RAB3IL1: variants seen among roughly 807,000 people sequenced by gnomAD.
RAB3IL1 encodes RAB3A interacting protein like 1.
A neutral mutation model predicts 49.2 loss-of-function variants in RAB3IL1; 37 were observed. That is an observed-to-expected ratio of 0.75 (90% CI 0.58 to 0.99). The LOEUF (loss-of-function observed/expected upper bound fraction) is 0.99. RAB3IL1 is among the 50% of genes least tolerant of loss of function. RAB3IL1 has a pLI of 0.00. For synonymous variants in RAB3IL1, 193 were observed against 213.9 expected, an observed-to-expected ratio of 0.90 and a Z score of 0.85; for missense variants, 484 against 513.0, an observed-to-expected ratio of 0.94 and a Z score of 0.55.
At chr11:61,901,802 AAC>A (rs1447880915) in intron 8 of RAB3IL1, among the ~76,000 whole-genome samples, 1 of 152,232 alleles carries the variant, frequency 6.6e-6, no homozygotes, top group Non-Finnish European at 1.5e-5. Flanking sequence ...TCCAGAAAGG[AAC>A]ACAGTCTGCT....
upstream of RAB3IL1, among the ~76,000 whole-genome samples, chr11:61,922,742 T>C (rs1939935958): frequency 6.7e-6 from 1 of 149,798 alleles, no homozygotes; most frequent in Non-Finnish European, 1.5e-5. Context: ...TATCTCCCAC[T>C]TGGGCTTTGG....
At position 61,917,503 on chromosome 11, in the gene RAB3IL1, T is replaced by C; in HGVS notation, c.-136A>G. 1.8e-6 allele frequency: 2 copies of C among 1,131,894 alleles called. No homozygotes were observed. The highest frequency in any genetic ancestry group is 2.2e-6 in the Non-Finnish European group (2 of 925,276). 70.1% of individuals were successfully genotyped at this position (1,131,894 alleles called of 1,614,324 possible). On this transcript the variant is annotated 5_prime_UTR_variant, in exon 1 of 10. Coordinates refer to ENST00000394836, the MANE Select transcript of RAB3IL1 (RefSeq NM_013401.4). ...GTCAGCCCTGCCCGCGGCCGGTCAG[T>C]AGGTCTCAGACGCCTGGGCTCGCGG... is the stretch of plus-strand genomic sequence containing the variant.
At chr11:61,934,444 G>GTATGTA in the RAB3IL1 span, among the ~76,000 whole-genome samples, 1 of 83,662 alleles carries the variant, frequency 1.2e-5, no homozygotes, top group African/African-American at 4.9e-5. Flanking sequence ...GTGTGTGTGT[G>GTATGTA]TGTATGTATA....
chr11:61,938,878 A>T, the RAB3IL1 span, among the ~76,000 whole-genome samples: 1 of 152,036 alleles, frequency 6.6e-6, no homozygotes, highest in African/African-American at 2.4e-5. Context: ...GTGAGCCAAG[A>T]TTGTGCTACT....
At chr11:61,917,258 T>C in intron 1 of RAB3IL1, 99 bp downstream of exon 1, 1 of 1,314,598 alleles carries the variant, frequency 7.6e-7, no homozygotes, top group Non-Finnish European at 9.7e-7. Context: ...CACCTCCGGG[T>C]GGCGGCGCAG....
chr11:61,929,491 A>C, the RAB3IL1 span, among the ~76,000 whole-genome samples: 3 of 151,868 alleles, frequency 2.0e-5, no homozygotes, highest in African/African-American at 7.2e-5. Context: ...TGGGTGACAG[A>C]GTGAGACTTG....
intron 1 of RAB3IL1, among the ~76,000 whole-genome samples, chr11:61,914,479 G>A (rs1939593590): frequency 1.3e-5 from 2 of 152,200 alleles, no homozygotes; most frequent in Non-Finnish European, 2.9e-5. Flanking sequence ...TACTCAAGAC[G>A]CTGTCCTCAC....
At chr11:61,920,962 A>T (rs1591244945), upstream of RAB3IL1, among the ~76,000 whole-genome samples, 1 of 151,906 alleles carries the variant, frequency 6.6e-6, no homozygotes, top group African/African-American at 2.4e-5. Flanking sequence ...GTTATTTTTT[A>T]TTTTTTTTCT....
the RAB3IL1 span, among the ~76,000 whole-genome samples, chr11:61,927,005 C>T: frequency 5.3e-5 from 8 of 151,996 alleles, no homozygotes; most frequent in African/African-American, 1.5e-4. Flanking sequence ...CACTATGCCC[C>T]GCTAATTTTT....
the RAB3IL1 span, chr11:61,937,749 A>T: frequency 7.2e-5 from 11 of 152,360 alleles, no homozygotes; most frequent in East Asian, 5.8e-4. Context: ...AGGAACAAAA[A>T]AACAAAAATA....
chr11:61,930,303 G>A, the RAB3IL1 span, among the ~76,000 whole-genome samples: 2 of 152,174 alleles, frequency 1.3e-5, no homozygotes, highest in African/African-American at 4.8e-5. Context: ...GATAAAAAAT[G>A]TTCTAGAGAT....
intron 1 of RAB3IL1, among the ~76,000 whole-genome samples, chr11:61,910,245 C>T (rs1042790372): frequency 6.6e-6 from 1 of 152,212 alleles, no homozygotes; most frequent in Admixed American, 6.5e-5. Flanking sequence ...GGAATCGGCG[C>T]ATCTGCTTCA....
chr11:61,907,350 G>T (rs778892105), intron 4 of RAB3IL1, 43 bp downstream of exon 4: 5 of 1,599,070 alleles, frequency 3.1e-6, no homozygotes, highest in African/African-American at 2.7e-5. Context: ...GGGAGGCAGG[G>T]GGGGTGCCTG....
chr11:61,919,448 C>G (rs1939837882), upstream of RAB3IL1, among the ~76,000 whole-genome samples: 1 of 152,216 alleles, frequency 6.6e-6, no homozygotes, highest in South Asian at 2.1e-4. Context: ...GCTGAACTTG[C>G]TCCTCAGTTG....
At position 61,899,395 on chromosome 11, in the gene RAB3IL1, G is replaced by T; in HGVS notation, c.1000-15C>A. 1 of 1,607,040 alleles carries T rather than the reference G, an allele frequency of 6.2e-7. No individual in the cohort carries two copies. Among genetic ancestry groups the T allele is most frequent in the South Asian group, 1.1e-5 (1 of 90,700 alleles). On this transcript the variant is annotated splice_polypyrimidine_tract_variant and intron_variant, in intron 8 of 9. Transcript: ENST00000394836. The stretch of plus-strand genomic sequence containing the variant: ...ACTGCGGTGATCTGTGGGCAGAGGT[G>T]GGGACGGTGTGACCTGCCAGCCCCA...
rs775787796 is a variant in RAB3IL1, at chr11:61,906,510, G to A, written c.613C>T (p.Pro205Ser). 27 of 1,553,078 alleles carry A rather than the reference G, an allele frequency of 1.7e-5. 1 individual carries two copies. The highest frequency in any genetic ancestry group is 2.3e-5 in the Non-Finnish European group (26 of 1,150,282). Residue 205 changes from proline (P) to serine (S), a missense_variant, in exon 5 of 10, where the codon CCC becomes TCC. Coordinates refer to ENST00000394836, the MANE Select transcript of RAB3IL1 (RefSeq NM_013401.4). The surrounding 1 kb of genome is among the most constrained non-coding windows in gnomAD (Gnocchi z 4.6). ...TSSTLCPAVC[P>S]AAGHTLTPDR... ...GGGGTGAGGGTGTGTCCCGCAGCGGGACACACGGCGGGGCAGAGGGTGCTG... is the reference window on the plus strand; with the variant it reads ...GGGGTGAGGGTGTGTCCCGCAGCGGAACACACGGCGGGGCAGAGGGTGCTG...
chr11:61,930,925 A>C, the RAB3IL1 span, among the ~76,000 whole-genome samples: 1 of 152,372 alleles, frequency 6.6e-6, no homozygotes, highest in Non-Finnish European at 1.5e-5. Flanking sequence ...GCCTAATAAA[A>C]TAGCCTAAAA....
the RAB3IL1 span, among the ~76,000 whole-genome samples, chr11:61,937,368 G>A: frequency 2.0e-5 from 3 of 152,228 alleles, no homozygotes; most frequent in East Asian, 5.8e-4. Context: ...GTGCAGTGTT[G>A]CGATTATGGC....
upstream of RAB3IL1, among the ~76,000 whole-genome samples, chr11:61,924,278 C>T (rs546514604): frequency 1.3e-5 from 2 of 152,286 alleles, no homozygotes; most frequent in East Asian, 1.9e-4. Flanking sequence ...CCCATCCTCA[C>T]TCTCAGCCCC....
Sources: gnomAD v4.1 joint callset for allele counts (sites outside exome capture counted in the v4.1 genomes callset) on GRCh38, gnomAD v4.1.1 for gene constraint, Gnocchi (gnomAD v3.1) non-coding constraint, MANE v1.5 for transcripts, NCBI Gene and HGNC (gene_info 2026-07-23, HGNC 2026-07-21) for gene names.